Variants in DMD observed in about 807,000 individuals in gnomAD.
The protein encoded by DMD is mutant dystrophin.
In DMD, 63 loss-of-function variants were observed where a neutral mutation model predicts 330.1. The observed-to-expected ratio is 0.19, with a 90% CI of 0.16 to 0.24. DMD has a LOEUF of 0.24. Ranked by LOEUF, DMD falls within the 10% of genes least tolerant of loss-of-function variation. DMD has a pLI of 1.00. For missense variants in DMD, 3,344 were observed against 2,684.1 expected, an observed-to-expected ratio of 1.25 and a Z score of -5.43; for synonymous variants, 1,223 against 959.8, an observed-to-expected ratio of 1.27 and a Z score of -5.07.
chrX:32,286,149 G>A (rs765125302), intron 43 of DMD, among the ~76,000 whole-genome samples: 25 of 111,049 alleles, frequency 2.3e-4, no homozygotes, highest in South Asian at 7.7e-4. Flanking sequence ...ATAAAACATA[G>A]CCCTTTTCTA....
At chrX:32,619,163 C>T (rs1238835896) in intron 11 of DMD, among the ~76,000 whole-genome samples, 1 of 111,325 alleles carries the variant, frequency 9.0e-6, no homozygotes, top group Non-Finnish European at 1.9e-5. Flanking sequence ...TTTGCAACAA[C>T]ATGGATGAAC....
intron 8 of DMD, among the ~76,000 whole-genome samples, chrX:32,698,453 T>A (rs1603142777): frequency 8.9e-6 from 1 of 111,877 alleles, no homozygotes; most frequent in South Asian, 3.8e-4. Context: ...TCTCCACACA[T>A]TCAGCAGAAA....
At chrX:33,196,444 C>T (rs1421927381) in intron 1 of DMD, among the ~76,000 whole-genome samples, 1 of 111,011 alleles carries the variant, frequency 9.0e-6, no homozygotes, top group Admixed American at 9.7e-5. Flanking sequence ...GTTTTAGAAA[C>T]TCAACGGGGG....
At position 31,478,470 on chromosome X, in the gene DMD, CA is replaced by C. The variant is rs1302356053; in HGVS notation, c.8669-97del. ...GGAAGAAAGAAAGAGTACAGTTGAA[CA>C]AGAGGGTAACCTACTGATTAACGGC... On this transcript the variant is annotated intron_variant, in intron 58 of 78. Coordinates refer to ENST00000357033, the MANE Select transcript of DMD (RefSeq NM_004006.3). The C allele has an allele frequency of 5.4e-6, 6 of 1,117,066 alleles. No individual in the cohort carries two copies. The South Asian group carries it at 9.4e-5, about 18-fold the overall frequency. The allele number at this position is 1,117,066 out of a possible 1,213,427, so 92.1% of individuals were successfully genotyped here. A position where few individuals can be genotyped will look rare whatever the true frequency, so the allele number is the denominator to read the frequency against.
intron 44 of DMD, among the ~76,000 whole-genome samples, chrX:32,199,780 TTG>T (rs35897988): frequency 0.015 from 1,281 of 84,071 alleles, 10 homozygotes; most frequent in Non-Finnish European, 0.019. Context: ...CGCAAGGCTT[TTG>T]TGTGTGTGTG....
chrX:32,446,323 G>T (rs1569562851), intron 27 of DMD, among the ~76,000 whole-genome samples: 1 of 108,120 alleles, frequency 9.2e-6, no homozygotes, highest in African/African-American at 3.3e-5. Context: ...AGGTACCAGA[G>T]AAAATGATAA....
intron 1 of DMD, among the ~76,000 whole-genome samples, chrX:33,167,585 C>G (rs1162526647): frequency 1.0e-4 from 11 of 110,536 alleles, no homozygotes; most frequent in African/African-American, 3.6e-4. Context: ...CTCAGAAGAA[C>G]AAGTATATAA....
intron 1 of DMD, among the ~76,000 whole-genome samples, chrX:33,111,419 G>A (rs184976291): frequency 2.7e-5 from 3 of 111,862 alleles, no homozygotes; most frequent in African/African-American, 6.5e-5. Flanking sequence ...TCATTTGGAC[G>A]TCTCCTATCA....
chrX:32,726,527 G>A (rs960113935), intron 7 of DMD, among the ~76,000 whole-genome samples: 1 of 110,901 alleles, frequency 9.0e-6, no homozygotes, highest in Admixed American at 9.6e-5. Flanking sequence ...TACTCTCCTG[G>A]AAAGGGTAGC....
intron 77 of DMD, among the ~76,000 whole-genome samples, chrX:31,133,372 C>G (rs1334472408): frequency 9.0e-6 from 1 of 111,294 alleles, no homozygotes; most frequent in Non-Finnish European, 1.9e-5. Flanking sequence ...ATAAATGCCC[C>G]CAGAAACGAA....
chrX:31,408,999 T>C (rs1057161414), intron 60 of DMD, among the ~76,000 whole-genome samples: 1 of 110,663 alleles, frequency 9.0e-6, no homozygotes, highest in Non-Finnish European at 1.9e-5. Context: ...TGTGTTCTCA[T>C]TGTTCAATTC....
chrX:31,649,768 G>A (rs1370613617), intron 54 of DMD, among the ~76,000 whole-genome samples: 2 of 110,579 alleles, frequency 1.8e-5, no homozygotes, highest in Admixed American at 9.7e-5. Context: ...CTGAAGAGCC[G>A]AAAGACACAT....
intron 13 of DMD, among the ~76,000 whole-genome samples, chrX:32,584,809 T>G (rs2054043560): frequency 8.9e-6 from 1 of 111,912 alleles, no homozygotes; most frequent in Admixed American, 9.5e-5. Flanking sequence ...GTTTCCTGGT[T>G]GCTGGTAACA....
At chrX:32,702,720 G>A (rs950329692) in intron 7 of DMD, among the ~76,000 whole-genome samples, 2 of 111,231 alleles carry the variant, frequency 1.8e-5, no homozygotes, top group Non-Finnish European at 3.8e-5. Flanking sequence ...AAGATCTAAG[G>A]TACAACTGTG....
intron 11 of DMD, among the ~76,000 whole-genome samples, chrX:32,638,012 T>A (rs764798926): frequency 3.6e-5 from 4 of 112,192 alleles, no homozygotes; most frequent in Non-Finnish European, 7.5e-5. Context: ...TGCATTGTAT[T>A]ATTAGTACAA....
chrX:31,344,282 C>G (rs1313937093), intron 61 of DMD, among the ~76,000 whole-genome samples: 2 of 111,304 alleles, frequency 1.8e-5, no homozygotes, highest in African/African-American at 3.3e-5. Context: ...GGCATTTATC[C>G]TGTAGAAAGA....
At chrX:31,441,692 C>T (rs1473265184) in intron 60 of DMD, among the ~76,000 whole-genome samples, 1 of 112,054 alleles carries the variant, frequency 8.9e-6, no homozygotes, top group Admixed American at 9.5e-5. Context: ...AGCTTCCCGC[C>T]ATAGAACTTG....
chrX:32,525,599 G>A (rs1023722817), intron 17 of DMD, among the ~76,000 whole-genome samples: 13 of 111,234 alleles, frequency 1.2e-4, no homozygotes, highest in African/African-American at 4.3e-4. Context: ...AGCAACTATC[G>A]CTTCATCACT....
intron 13 of DMD, among the ~76,000 whole-genome samples, chrX:32,592,451 C>T (rs1410322767): frequency 9.0e-6 from 1 of 111,054 alleles, no homozygotes; most frequent in Non-Finnish European, 1.9e-5. Context: ...AAAGGAGCCA[C>T]CCACCATGGG....
Sources: gnomAD v4.1 joint callset for allele counts (sites outside exome capture counted in the v4.1 genomes callset) on GRCh38, gnomAD v4.1.1 for gene constraint, MANE v1.5 for transcripts, NCBI Gene and HGNC (gene_info 2026-07-23, HGNC 2026-07-21) for gene names.